The following ERBB4 variants were observed in gnomAD, a reference collection of about 807,000 sequenced individuals.
ERBB4 encodes the protein erb-b2 receptor tyrosine kinase 4.
In ERBB4, 42 loss-of-function variants were observed where a neutral mutation model predicts 158.0. That is an observed-to-expected ratio of 0.27 (90% confidence interval 0.21 to 0.34). ERBB4 has a LOEUF of 0.34. Among genes scored for constraint, ERBB4 ranks in the 10% least tolerant of loss-of-function variants. ERBB4 has a pLI of 1.00. For missense variants in ERBB4, 1,333 were observed against 1,624.1 expected, an observed-to-expected ratio of 0.82 and a Z score of 3.08; for synonymous variants, 583 against 558.7, an observed-to-expected ratio of 1.04 and a Z score of -0.61.
At chr2:211,965,959 C>A (rs1353392315) in intron 2 of ERBB4, among the ~76,000 whole-genome samples, 1 of 152,252 alleles carries the variant, frequency 6.6e-6, no homozygotes, top group East Asian at 1.9e-4. Context: ...TGCCTGTAAT[C>A]CCAGCACTTT....
chr2:211,786,124 G>T (rs1479951127), intron 4 of ERBB4, among the ~76,000 whole-genome samples: 1 of 152,110 alleles, frequency 6.6e-6, no homozygotes, highest in Non-Finnish European at 1.5e-5. Context: ...TAACTCCCAA[G>T]AGCCAAGTGA....
intron 20 of ERBB4, among the ~76,000 whole-genome samples, chr2:211,490,449 C>T (rs1378449272): frequency 1.3e-5 from 2 of 151,894 alleles, no homozygotes; most frequent in South Asian, 2.1e-4. Context: ...CAGCATTCAA[C>T]GTATTTCACT....
chr2:211,473,595 T>C (rs2064883497), intron 20 of ERBB4, among the ~76,000 whole-genome samples: 1 of 152,088 alleles, frequency 6.6e-6, no homozygotes, highest in Admixed American at 6.6e-5. Flanking sequence ...TTTCCCATAC[T>C]ATAAGGATTA....
chr2:212,182,138 A>C (rs1184711380), intron 1 of ERBB4, among the ~76,000 whole-genome samples: 1 of 151,862 alleles, frequency 6.6e-6, no homozygotes, highest in Non-Finnish European at 1.5e-5. Context: ...ACTACATGCC[A>C]GGAATGTTCT....
intron 19 of ERBB4, among the ~76,000 whole-genome samples, chr2:211,562,769 C>CTTTTTTTTTTTTTTTTT (rs367801279): frequency 7.2e-5 from 9 of 125,736 alleles, no homozygotes; most frequent in African/African-American, 2.1e-4. Flanking sequence ...ACTACTCCAA[C>CTTTTTTTTTTTTTTTTT]TTTTTTTTTT....
At chr2:212,211,809 T>C (rs372812755) in intron 1 of ERBB4, among the ~76,000 whole-genome samples, 5 of 151,976 alleles carry the variant, frequency 3.3e-5, no homozygotes, top group African/African-American at 1.2e-4. Flanking sequence ...AGTGAGAACA[T>C]GCAGTGTTTG....
chr2:211,811,847 C>T (rs764594378), intron 3 of ERBB4, among the ~76,000 whole-genome samples: 1 of 152,068 alleles, frequency 6.6e-6, no homozygotes, highest in African/African-American at 2.4e-5. Context: ...AGTTCTCGTG[C>T]CATGGTTTTC....
intron 1 of ERBB4, among the ~76,000 whole-genome samples, chr2:212,215,434 T>C: frequency 6.6e-6 from 1 of 151,474 alleles, no homozygotes; most frequent in East Asian, 1.9e-4. Context: ...AAATTCTTGC[T>C]GTGTGTATTG....
chr2:212,328,672 T>G lies in ERBB4; in HGVS notation c.83-203769A>C, dbSNP rs76581489. On this transcript the variant is annotated intron_variant, in intron 1 of 27. Transcript: ENST00000342788. ...TAGTATGTAGGCTAGGAGGAATTTGTGGGGAATTCATACTGATATTCTGAT... is the reference window on the plus strand; with the variant it reads ...TAGTATGTAGGCTAGGAGGAATTTGGGGGGAATTCATACTGATATTCTGAT... 3.6e-3 allele frequency among the ~76,000 whole-genome samples: 544 copies of G among 152,164 alleles called. 4 individuals are homozygous for G. The highest frequency in any genetic ancestry group is 0.012 in the African/African-American group (510 of 41,562).
At chr2:211,583,220 T>C (rs2068156019) in intron 19 of ERBB4, among the ~76,000 whole-genome samples, 1 of 152,050 alleles carries the variant, frequency 6.6e-6, no homozygotes, top group Non-Finnish European at 1.5e-5. Context: ...GCACTTACTA[T>C]GTATCCAGCC....
intron 1 of ERBB4, among the ~76,000 whole-genome samples, chr2:212,143,275 T>C (rs905938209): frequency 3.3e-5 from 5 of 152,162 alleles, no homozygotes; most frequent in East Asian, 1.9e-4. Flanking sequence ...CACCTAACAA[T>C]TGTATGCCAA....
intron 2 of ERBB4, among the ~76,000 whole-genome samples, chr2:211,978,392 GTCTGTCTA>G (rs1356980847): frequency 5.9e-5 from 6 of 102,244 alleles, no homozygotes; most frequent in African/African-American, 1.7e-4. Flanking sequence ...CTGTCTGTCT[GTCTGTCTA>G]TCTATCTATC....
chr2:212,428,311 G>A (rs1030360209), intron 1 of ERBB4, among the ~76,000 whole-genome samples: 2 of 152,254 alleles, frequency 1.3e-5, no homozygotes, highest in South Asian at 4.1e-4. Flanking sequence ...ATCAGCTTAT[G>A]TTTTGTAAAT....
intron 20 of ERBB4, among the ~76,000 whole-genome samples, chr2:211,550,739 C>A (rs2067071083): frequency 6.8e-6 from 1 of 146,772 alleles, no homozygotes; most frequent in Admixed American, 6.8e-5. Flanking sequence ...TATACACACA[C>A]ACACATGCAT....
intron 1 of ERBB4, among the ~76,000 whole-genome samples, chr2:212,537,452 C>A (rs115734790): frequency 8.1e-4 from 123 of 152,194 alleles, no homozygotes; most frequent in Non-Finnish European, 1.5e-3. Context: ...ATTAGTCCTG[C>A]AAGCCGTGGC....
At chr2:211,855,860 A>C (rs1010853733) in intron 3 of ERBB4, among the ~76,000 whole-genome samples, 17 of 152,210 alleles carry the variant, frequency 1.1e-4, no homozygotes, top group African/African-American at 4.1e-4. Flanking sequence ...AAAGATTAAA[A>C]AGGAAGAAGT....
chr2:211,601,804 G>A (rs1379780301), intron 19 of ERBB4, among the ~76,000 whole-genome samples: 2 of 152,000 alleles, frequency 1.3e-5, no homozygotes, highest in East Asian at 1.9e-4. Context: ...CAGGAAAGAA[G>A]GGAGGTGGGA....
chr2:211,830,627 A>G (rs917819071), intron 3 of ERBB4, among the ~76,000 whole-genome samples: 1 of 152,162 alleles, frequency 6.6e-6, no homozygotes, highest in Non-Finnish European at 1.5e-5. Flanking sequence ...AGAAAGCAAT[A>G]AACATCATTC....
Position 212,331,106 on chromosome 2 carries a change from G to T in ERBB4, c.83-206203C>A, listed in dbSNP as rs553880660. ...TATATATGCCCATAACACTTAATCA[G>T]TATATGAGTTTATGCATTTTATTTT... On this transcript the variant is annotated intron_variant, in intron 1 of 27. Transcript: ENST00000342788. Among the ~76,000 whole-genome samples, 24 of 75,476 alleles carry T rather than the reference G, an allele frequency of 3.2e-4. 1 individual carries two copies. Among genetic ancestry groups the T allele is most frequent in the African/African-American group, 7.8e-4 (24 of 30,870 alleles). 49.5% of individuals were successfully genotyped at this position (75,476 alleles called of 152,430 possible).
Sources: allele counts gnomAD v4.1 joint callset (sites outside exome capture counted in the v4.1 genomes callset), GRCh38; gene constraint gnomAD v4.1.1; transcripts MANE v1.5; gene names NCBI Gene and HGNC (gene_info 2026-07-23, HGNC 2026-07-21).